KCTD14: variants seen among roughly 807,000 people sequenced by gnomAD.
KCTD14 encodes the protein potassium channel tetramerization domain containing 14, also known as BTB/POZ domain-containing protein KCTD14.
KCTD14 carries 7 observed loss-of-function variants against 5.9 expected under a neutral mutation model. The observed-to-expected ratio is 1.19, with a 90% confidence interval of 0.68 to 2.23. The LOEUF is 2.23. KCTD14 is among the 30% of genes most tolerant of loss of function. The pLI is 0.00. For synonymous variants in KCTD14, 140 were observed against 133.1 expected, an observed-to-expected ratio of 1.05 and a Z score of -0.36; for missense variants, 342 against 332.2, an observed-to-expected ratio of 1.03 and a Z score of -0.23.
chr11:78,029,779 T>C (rs893928623), intron 2 of KCTD14, among the ~76,000 whole-genome samples: 3 of 151,912 alleles, frequency 2.0e-5, no homozygotes, highest in African/African-American at 7.3e-5. Flanking sequence ...ACAAGACTTT[T>C]TTTTTTTCTT....
intron 2 of KCTD14, among the ~76,000 whole-genome samples, chr11:78,032,496 T>C (rs1017261380): frequency 6.6e-6 from 1 of 152,198 alleles, no homozygotes; most frequent in African/African-American, 2.4e-5. Flanking sequence ...TAAAGGAAGA[T>C]TAAAACCACC....
At chr11:78,029,951 T>G (rs537680469) in intron 2 of KCTD14, among the ~76,000 whole-genome samples, 139 of 152,042 alleles carry the variant, frequency 9.1e-4, no homozygotes, top group Non-Finnish European at 1.8e-3. Context: ...CTGGCTAATT[T>G]TTTTTGTATT....
In KCTD14 at chr11:78,016,830, C is replaced by T. The variant is rs1857177431; in HGVS notation, c.531G>A (p.Glu177=). ...GGACCTCTGAATAATATGCATCCTG[C>T]TCCTCAGTTTCCACCAGGCACACAA... ...SVLVCLVETE[E]QDAYYSEVLC... is the part of the protein sequence containing the mutation. The change falls in exon 2 of 2, where the codon GAG becomes GAA. Residue 177 remains glutamate, a synonymous_variant. Coordinates refer to ENST00000353172, the MANE Select transcript of KCTD14 (RefSeq NM_023930.4). 1.2e-6 allele frequency: 2 copies of T among 1,614,176 alleles called. No individual in the cohort carries two copies. Among genetic ancestry groups the T allele is most frequent in the South Asian group, 1.1e-5 (1 of 91,082 alleles).
At chr11:78,034,229 C>T (rs953530388) in intron 2 of KCTD14, among the ~76,000 whole-genome samples, 2 of 152,028 alleles carry the variant, frequency 1.3e-5, no homozygotes, top group African/African-American at 2.4e-5. Flanking sequence ...CTCGAGAGAT[C>T]CCCCGACCTC....
At chr11:78,018,409 T>TAAA (rs1857227955) in intron 1 of KCTD14, among the ~76,000 whole-genome samples, 3 of 150,888 alleles carry the variant, frequency 2.0e-5, no homozygotes, top group Admixed American at 6.6e-5. Flanking sequence ...GAAAAAAAAT[T>TAAA]TTTTTTTTAA....
intron 1 of KCTD14, among the ~76,000 whole-genome samples, chr11:78,044,724 GAGCA>G (rs1187583321): frequency 6.6e-6 from 1 of 152,134 alleles, no homozygotes; most frequent in Non-Finnish European, 1.5e-5. Context: ...GCAAGTTTTA[GAGCA>G]GGAGTGAAAG....
At chr11:78,018,136 C>T (rs1194551903) in intron 1 of KCTD14, among the ~76,000 whole-genome samples, 3 of 152,024 alleles carry the variant, frequency 2.0e-5, no homozygotes, top group South Asian at 2.1e-4. Flanking sequence ...AACAGAAGAA[C>T]GTTATGGGAA....
upstream of KCTD14, among the ~76,000 whole-genome samples, chr11:78,025,545 C>T (rs899516553): frequency 6.6e-6 from 1 of 152,166 alleles, no homozygotes; most frequent in African/African-American, 2.4e-5. Context: ...TTAACCATCA[C>T]ATTGACCCAA....
intron 1 of KCTD14, among the ~76,000 whole-genome samples, chr11:78,043,477 C>T (rs1204185290): frequency 3.9e-5 from 6 of 152,160 alleles, no homozygotes; most frequent in African/African-American, 1.4e-4. Flanking sequence ...ATTAAACATA[C>T]TCAATAAAAC....
At chr11:78,018,203 G>A (rs1857221795) in intron 1 of KCTD14, among the ~76,000 whole-genome samples, 1 of 152,106 alleles carries the variant, frequency 6.6e-6, no homozygotes, top group African/African-American at 2.4e-5. Flanking sequence ...GTGGCCTTTG[G>A]CAAGCCTTTT....
intron 2 of KCTD14, among the ~76,000 whole-genome samples, chr11:78,036,558 A>G (rs1170867322): frequency 1.3e-5 from 2 of 152,246 alleles, no homozygotes; most frequent in Admixed American, 6.5e-5. Flanking sequence ...TCTGGCTGTA[A>G]AGCCTGTGTT....
At chr11:78,039,804 T>G (rs576109051) in intron 1 of KCTD14, among the ~76,000 whole-genome samples, 43 of 152,040 alleles carry the variant, frequency 2.8e-4, no homozygotes, top group Middle Eastern at 3.4e-3. Flanking sequence ...ATTTCCCCCA[T>G]ATGAAGGGCT....
At chr11:78,023,355 A>G (rs1462274508), upstream of KCTD14, 1 of 1,082,378 alleles carries the variant, frequency 9.2e-7, no homozygotes, top group South Asian at 1.4e-5. Context: ...TTGCAGTGAG[A>G]CTGGGCCAAG....
At chr11:78,042,801 G>C (rs939575244) in intron 1 of KCTD14, among the ~76,000 whole-genome samples, 2 of 152,216 alleles carry the variant, frequency 1.3e-5, no homozygotes, top group Non-Finnish European at 2.9e-5. Flanking sequence ...TGGTTCTGTG[G>C]TGAAATGCAT....
At chr11:78,023,286 C>T (rs1184090117), upstream of KCTD14, 3 of 1,599,530 alleles carry the variant, frequency 1.9e-6, no homozygotes, top group East Asian at 2.2e-5. Flanking sequence ...CCCCTGGCTG[C>T]CCGCCCCTAG....
chr11:78,041,625 C>T (rs1018735830), intron 1 of KCTD14, among the ~76,000 whole-genome samples: 2 of 152,218 alleles, frequency 1.3e-5, no homozygotes, highest in African/African-American at 4.8e-5. Context: ...TGTTTTCACG[C>T]TATTTCACTC....
chr11:78,032,703 CTT>C (rs35820886), intron 2 of KCTD14, among the ~76,000 whole-genome samples: 11 of 123,504 alleles, frequency 8.9e-5, no homozygotes, highest in Admixed American at 8.7e-5. Flanking sequence ...TGATCTACTT[CTT>C]TTTTTTTTTT....
chr11:78,032,529 T>G (rs1420171534), intron 2 of KCTD14, among the ~76,000 whole-genome samples: 4 of 152,124 alleles, frequency 2.6e-5, no homozygotes, highest in African/African-American at 9.7e-5. Flanking sequence ...GTGATGAAAT[T>G]GAAGCTTAGA....
intron 1 of KCTD14, among the ~76,000 whole-genome samples, chr11:78,021,983 C>T (rs1436802440): frequency 2.0e-5 from 3 of 152,198 alleles, no homozygotes; most frequent in African/African-American, 2.4e-5. Flanking sequence ...TGACCCCACT[C>T]ATCCTTCAGA....
Sources: allele counts gnomAD v4.1 joint callset (sites outside exome capture counted in the v4.1 genomes callset), GRCh38; gene constraint gnomAD v4.1.1; transcripts MANE v1.5; gene names NCBI Gene and HGNC (gene_info 2026-07-23, HGNC 2026-07-21).